RIC8B: variants seen among roughly 807,000 people sequenced by gnomAD.
The protein encoded by RIC8B is RIC8 guanine nucleotide exchange factor B.
A neutral mutation model predicts 57.5 loss-of-function variants in RIC8B; 16 were observed. The observed-to-expected ratio is 0.28, with a 90% CI of 0.19 to 0.42. The LOEUF is 0.42. Ranked by LOEUF, RIC8B falls within the 10% of genes least tolerant of loss-of-function variation. The pLI is 1.00. For synonymous variants in RIC8B, 216 were observed against 250.8 expected (o/e 0.86, Z 1.31); for missense variants, 481 against 677.0 (o/e 0.71, Z 3.21).
chr12:106,852,304 A>G (rs949688102), intron 7 of RIC8B, among the ~76,000 whole-genome samples: 4 of 152,262 alleles, frequency 2.6e-5, no homozygotes, highest in African/African-American at 9.6e-5. Context: ...TTCTTCTTCT[A>G]CTTTGTAAGT....
At chr12:106,845,485 C>T (rs1298103318) in intron 6 of RIC8B, among the ~76,000 whole-genome samples, 1 of 152,212 alleles carries the variant, frequency 6.6e-6, no homozygotes, top group African/African-American at 2.4e-5. Context: ...GTATTCCCAT[C>T]TGTCACAATG....
intron 9 of RIC8B, chr12:106,880,028 G>A (rs1950848511): frequency 1.2e-6 from 1 of 847,274 alleles, no homozygotes; most frequent in Non-Finnish European, 1.4e-6. Context: ...GTTTTACCAT[G>A]ATATACATGT....
chr12:106,794,225 CAA>C (rs999833284), intron 2 of RIC8B, among the ~76,000 whole-genome samples: 1 of 151,958 alleles, frequency 6.6e-6, no homozygotes, highest in African/African-American at 2.4e-5. Context: ...AAAGAATAAG[CAA>C]ACCTGAAGAC....
intron 1 of RIC8B, among the ~76,000 whole-genome samples, chr12:106,779,681 A>AAT (rs748053257): frequency 4.4e-5 from 6 of 137,448 alleles, no homozygotes; most frequent in Admixed American, 7.3e-5. Context: ...ACAAAAAAAA[A>AAT]TTTTTTTTTT....
At chr12:106,782,047 TA>T (rs1236176662) in intron 1 of RIC8B, among the ~76,000 whole-genome samples, 9 of 151,998 alleles carry the variant, frequency 5.9e-5, no homozygotes, top group African/African-American at 9.7e-5. Flanking sequence ...ATTATCTATT[TA>T]AAAAAAATTT....
chr12:106,809,513 C>T (rs1383251553), intron 2 of RIC8B, among the ~76,000 whole-genome samples: 1 of 125,174 alleles, frequency 8.0e-6, no homozygotes, highest in African/African-American at 3.2e-5. Flanking sequence ...ACAGAGAAGA[C>T]TCTTGTCTCA....
At chr12:106,831,632 T>C (rs973882389) in intron 4 of RIC8B, among the ~76,000 whole-genome samples, 1 of 152,252 alleles carries the variant, frequency 6.6e-6, no homozygotes, top group Non-Finnish European at 1.5e-5. Flanking sequence ...GCCTGACATC[T>C]GGATTAAATC....
chr12:106,845,609 A>G (rs1337424525), intron 6 of RIC8B, among the ~76,000 whole-genome samples: 3 of 152,178 alleles, frequency 2.0e-5, no homozygotes, highest in Non-Finnish European at 4.4e-5. Flanking sequence ...ATCATTTTAA[A>G]AAATGTATTG....
intron 6 of RIC8B, 109 bp from the exon 7 acceptor site, chr12:106,851,339 TCC>T: frequency 3.3e-6 from 1 of 302,506 alleles, no homozygotes; most frequent in Non-Finnish European, 6.2e-6. Flanking sequence ...TTTTTTTTGC[TCC>T]TACAATACAA....
intron 1 of RIC8B, among the ~76,000 whole-genome samples, chr12:106,782,642 C>T (rs1200989312): frequency 6.6e-6 from 1 of 152,108 alleles, no homozygotes; most frequent in Non-Finnish European, 1.5e-5. Flanking sequence ...CATCTATATT[C>T]GAGGCAGCCT....
At chr12:106,876,165 G>C (rs928461540) in intron 9 of RIC8B, among the ~76,000 whole-genome samples, 1 of 151,946 alleles carries the variant, frequency 6.6e-6, no homozygotes, top group African/African-American at 2.4e-5. Flanking sequence ...CCAGAGTATG[G>C]TAACCACAGC....
intron 7 of RIC8B, among the ~76,000 whole-genome samples, chr12:106,853,453 C>CTTT (rs758876525): frequency 0.019 from 715 of 38,046 alleles, 181 homozygotes; most frequent in Middle Eastern, 0.043. Flanking sequence ...GCTTTATAGT[C>CTTT]TTTTTTTTTT....
intron 2 of RIC8B, among the ~76,000 whole-genome samples, chr12:106,795,462 A>G (rs1053435558): frequency 2.0e-5 from 3 of 152,180 alleles, no homozygotes; most frequent in South Asian, 2.1e-4. Flanking sequence ...GCCAGATTTT[A>G]TAGTCAGATT....
intron 2 of RIC8B, among the ~76,000 whole-genome samples, chr12:106,808,627 T>TA: frequency 6.6e-6 from 1 of 152,324 alleles, no homozygotes; most frequent in South Asian, 2.1e-4. Flanking sequence ...ACTCTTTTTT[T>TA]ATGCCTGTCT....
intron 4 of RIC8B, among the ~76,000 whole-genome samples, chr12:106,829,798 CAAATGCCTGCTTT>C (rs2046276054): frequency 6.6e-6 from 1 of 152,154 alleles, no homozygotes; most frequent in African/African-American, 2.4e-5. Context: ...TTTCAAAAAG[CAAATGCCTGCTTT>C]AAATCTTGTC....
chr12:106,882,749 A>G (rs1951006314), intron 9 of RIC8B, among the ~76,000 whole-genome samples: 1 of 152,166 alleles, frequency 6.6e-6, no homozygotes, highest in Non-Finnish European at 1.5e-5. Flanking sequence ...CCTTTCCTAC[A>G]GAAGTATCAA....
chr12:106,848,109 T>C (rs1380755651), intron 6 of RIC8B, among the ~76,000 whole-genome samples: 2 of 152,180 alleles, frequency 1.3e-5, no homozygotes, highest in East Asian at 3.9e-4. Context: ...GGTCAGGGAA[T>C]GTCTCCTGTA....
chr12:106,875,161 T>G (rs1240257320), intron 9 of RIC8B, among the ~76,000 whole-genome samples: 1 of 152,130 alleles, frequency 6.6e-6, no homozygotes, highest in Admixed American at 6.6e-5. Context: ...CATGACTGGC[T>G]TATTTAAATA....
At chr12:106,822,270 G>A (rs1479292129) in intron 3 of RIC8B, 4 of 152,014 alleles carry the variant, frequency 2.6e-5, no homozygotes, top group Non-Finnish European at 4.4e-5. Context: ...AATGAAAAAG[G>A]CTGACTCTAA....
Sources: allele counts gnomAD v4.1 joint callset (sites outside exome capture counted in the v4.1 genomes callset), GRCh38; gene constraint gnomAD v4.1.1; transcripts MANE v1.5; gene names NCBI Gene and HGNC (gene_info 2026-07-23, HGNC 2026-07-21).